Variants in PHF21B observed in about 807,000 individuals in gnomAD.
PHF21B encodes PHD finger protein 4.
PHF21B carries 22 observed loss-of-function variants against 62.2 expected under a neutral mutation model. That is an observed-to-expected ratio of 0.35 (90% CI 0.25 to 0.51). PHF21B has a LOEUF of 0.51. Among genes scored for constraint, PHF21B ranks in the 20% least tolerant of loss-of-function variants. The pLI is 0.97. For missense variants in PHF21B, 701 were observed against 707.9 expected (o/e 0.99, Z 0.11); for synonymous variants, 341 against 314.7 (o/e 1.08, Z -0.88).
At chr22:44,981,905 G>A (rs2072849342) in intron 2 of PHF21B, among the ~76,000 whole-genome samples, 1 of 152,248 alleles carries the variant, frequency 6.6e-6, no homozygotes. Flanking sequence ...CTGAAGAACT[G>A]GCTGGTGCCT....
At chr22:45,005,290 A>AC (rs1232129691) in intron 2 of PHF21B, among the ~76,000 whole-genome samples, 1 of 152,132 alleles carries the variant, frequency 6.6e-6, no homozygotes, top group Non-Finnish European at 1.5e-5. Context: ...GTGCAGCCAC[A>AC]CCTGGGAAGG....
chr22:44,928,013 G>A (rs952612192), intron 2 of PHF21B, among the ~76,000 whole-genome samples: 3 of 152,172 alleles, frequency 2.0e-5, no homozygotes, highest in Admixed American at 6.5e-5. Flanking sequence ...GGGAGACAGC[G>A]GGAAGGAGAC....
intron 2 of PHF21B, among the ~76,000 whole-genome samples, chr22:45,007,993 G>A (rs1037460671): frequency 6.6e-6 from 1 of 151,518 alleles, no homozygotes; most frequent in Non-Finnish European, 1.5e-5. Flanking sequence ...CCCAAAGTTG[G>A]AGCAGAACTG....
At chr22:44,906,207 G>T (rs560200995) in intron 5 of PHF21B, among the ~76,000 whole-genome samples, 1 of 152,340 alleles carries the variant, frequency 6.6e-6, no homozygotes, top group South Asian at 2.1e-4. Context: ...GTTGCTGTGG[G>T]TTTGAAACGG....
intron 2 of PHF21B, among the ~76,000 whole-genome samples, chr22:45,002,670 C>G (rs1191217603): frequency 6.6e-6 from 1 of 152,238 alleles, no homozygotes; most frequent in Non-Finnish European, 1.5e-5. Flanking sequence ...CCCTCAGCAC[C>G]CCTGCACTCC....
At chr22:44,972,457 A>C (rs1200223097) in intron 2 of PHF21B, among the ~76,000 whole-genome samples, 1 of 152,212 alleles carries the variant, frequency 6.6e-6, no homozygotes, top group Non-Finnish European at 1.5e-5. Context: ...GGAACGAGGA[A>C]GCCGAAAACC....
chr22:44,931,780 C>A (rs934066297), intron 2 of PHF21B, among the ~76,000 whole-genome samples: 23 of 152,074 alleles, frequency 1.5e-4, no homozygotes, highest in African/African-American at 5.1e-4. Context: ...GTCCGTGAGA[C>A]CAGCTAAAAC....
chr22:44,954,198 A>T (rs980613097), intron 2 of PHF21B, among the ~76,000 whole-genome samples: 10 of 152,232 alleles, frequency 6.6e-5, no homozygotes, highest in African/African-American at 1.9e-4. Context: ...GTTGTTAAAA[A>T]AAAAATCCCC....
At chr22:44,975,928 G>A (rs1217270122) in intron 2 of PHF21B, among the ~76,000 whole-genome samples, 1 of 152,268 alleles carries the variant, frequency 6.6e-6, no homozygotes, top group Non-Finnish European at 1.5e-5. Context: ...AGCATTTTGG[G>A]AGGCCAAGGC....
In PHF21B at chr22:44,883,227, G is replaced by C; in HGVS notation, c.1455C>G (p.Leu485=). The C allele has an allele frequency of 1.2e-6, 2 of 1,613,954 alleles. No homozygotes were observed. Among genetic ancestry groups the C allele is most frequent in the Non-Finnish European group, 1.7e-6 (2 of 1,179,986 alleles). Residue 485 remains leucine, a synonymous_variant, in exon 13 of 13, where the codon CTC becomes CTG. Coordinates refer to ENST00000313237, the MANE Select transcript of PHF21B (RefSeq NM_138415.5). ...GCTGCTCGCCCTGTATCAGTCTCAG[G>C]AGGGCCCGCAGGCGGTCCAGGGATG... ...TQSSLDRLRA[L]LRLIQGEQLL...
intron 2 of PHF21B, among the ~76,000 whole-genome samples, chr22:44,987,052 G>A (rs1029434400): frequency 6.6e-6 from 1 of 152,206 alleles, no homozygotes; most frequent in Non-Finnish European, 1.5e-5. Flanking sequence ...TCTGCCATTG[G>A]CCAAGGAGAA....
chr22:44,921,372 T>TC (rs1279852542), intron 2 of PHF21B, among the ~76,000 whole-genome samples: 5 of 148,776 alleles, frequency 3.4e-5, no homozygotes, highest in Middle Eastern at 3.5e-3. Context: ...TTTTTTTTTC[T>TC]TTTTTTTTTT....
chr22:44,898,682 A>T (rs2071103274), intron 5 of PHF21B, among the ~76,000 whole-genome samples: 1 of 152,214 alleles, frequency 6.6e-6, no homozygotes, highest in African/African-American at 2.4e-5. Flanking sequence ...AATGAAACTT[A>T]TCAATATTTT....
intron 2 of PHF21B, among the ~76,000 whole-genome samples, chr22:44,931,033 A>G (rs2071731324): frequency 1.3e-5 from 2 of 152,224 alleles, no homozygotes; most frequent in Admixed American, 6.5e-5. Flanking sequence ...AGCCAGCTTC[A>G]GCAAGCCCCA....
intron 2 of PHF21B, among the ~76,000 whole-genome samples, chr22:44,960,967 T>A (rs2072407189): frequency 6.7e-6 from 1 of 149,958 alleles, no homozygotes; most frequent in Non-Finnish European, 1.5e-5. Context: ...TTTTTTTTTT[T>A]TTTTTTTGAG....
intron 6 of PHF21B, among the ~76,000 whole-genome samples, chr22:44,894,605 T>G (rs916015609): frequency 6.6e-6 from 1 of 151,700 alleles, no homozygotes; most frequent in Admixed American, 6.6e-5. Context: ...CTCACAGAGG[T>G]TCTTACAAAG....
chr22:44,971,729 G>A (rs967688558), intron 2 of PHF21B, among the ~76,000 whole-genome samples: 1 of 152,218 alleles, frequency 6.6e-6, no homozygotes, highest in Non-Finnish European at 1.5e-5. Flanking sequence ...CCTCGTGGGT[G>A]TGCCTGGTAG....
chr22:44,979,716 G>A (rs1359110894), intron 2 of PHF21B, among the ~76,000 whole-genome samples: 2 of 152,152 alleles, frequency 1.3e-5, no homozygotes, highest in East Asian at 3.8e-4. Context: ...CCCAGTTTAT[G>A]GTGTTTGGGC....
intron 2 of PHF21B, among the ~76,000 whole-genome samples, chr22:44,946,303 C>G (rs984462355): frequency 6.7e-6 from 1 of 149,216 alleles, no homozygotes; most frequent in African/African-American, 2.6e-5. Flanking sequence ...CCAAACGAGG[C>G]CAGATACCCC....
Sources: allele counts gnomAD v4.1 joint callset (sites outside exome capture counted in the v4.1 genomes callset), GRCh38; gene constraint gnomAD v4.1.1; transcripts MANE v1.5; gene names NCBI Gene and HGNC (gene_info 2026-07-23, HGNC 2026-07-21).